Variants in CYTH3 observed in about 807,000 individuals in gnomAD.
The protein encoded by CYTH3 is cytohesin 3.
Under a neutral mutation model 55.1 loss-of-function variants are expected in CYTH3, and 23 were observed. The ratio of observed to expected loss-of-function variants is 0.42; its 90% CI spans 0.30 to 0.59. The LOEUF (loss-of-function observed/expected upper bound fraction) is 0.59. CYTH3 is among the 20% of genes least tolerant of loss of function. CYTH3 has a pLI of 0.20. For synonymous variants in CYTH3, 249 were observed against 194.9 expected, an observed-to-expected ratio of 1.28 and a Z score of -2.31; for missense variants, 413 against 524.8, an observed-to-expected ratio of 0.79 and a Z score of 2.08.
chr7:6,239,722 ATAAC>A (rs1779623891), intron 1 of CYTH3, among the ~76,000 whole-genome samples: 2 of 152,234 alleles, frequency 1.3e-5, no homozygotes, highest in Admixed American at 6.5e-5. Flanking sequence ...ATAAATTCAA[ATAAC>A]TAGTTAGACA....
chr7:6,194,266 A>G (rs973971035), intron 1 of CYTH3, among the ~76,000 whole-genome samples: 2 of 152,210 alleles, frequency 1.3e-5, no homozygotes, highest in African/African-American at 4.8e-5. Flanking sequence ...TGACTCTTTA[A>G]TACGTGTACA....
Position 6,164,206 on chromosome 7 carries a change from TCTGACAGC to T in CYTH3, c.*730_*737del, listed in dbSNP as rs1245335903. 1.3e-5 allele frequency: 2 copies of T among 152,348 alleles called. No individual in the cohort carries two copies. Among genetic ancestry groups the T allele is most frequent in the African/African-American group, 4.8e-5 (2 of 41,360 alleles). 9.4% of individuals were successfully genotyped at this position (152,348 alleles called of 1,614,324 possible). A position where few individuals can be genotyped will look rare whatever the true frequency, so the allele number is the denominator to read the frequency against. The stretch of plus-strand genomic sequence containing the variant: ...CCCACCTGCTGCCCCCCGGGGCTTG[TCTGACAGC>T]CTGACAGGGCAGGGCTGCACGCTGC... On this transcript the variant is annotated 3_prime_UTR_variant, in exon 13 of 13. Coordinates refer to ENST00000350796, the MANE Select transcript of CYTH3 (RefSeq NM_004227.4).
intron 1 of CYTH3, among the ~76,000 whole-genome samples, chr7:6,195,137 T>C (rs1562890681): frequency 6.6e-6 from 1 of 152,070 alleles, no homozygotes; most frequent in Non-Finnish European, 1.5e-5. Context: ...TGGTTATGCC[T>C]AAAAAAAGAG....
In CYTH3 at chr7:6,171,459, G is replaced by T; in HGVS notation, c.450-145C>A. The T allele has an allele frequency of 1.5e-6, 1 of 649,060 alleles. No individual in the cohort carries two copies. Among genetic ancestry groups the T allele is most frequent in the Non-Finnish European group, 2.7e-6 (1 of 370,990 alleles). The allele number at this position is 649,060 out of a possible 1,614,324, so 40.2% of individuals were successfully genotyped here. A position where few individuals can be genotyped will look rare whatever the true frequency, so the allele number is the denominator to read the frequency against. Reference sequence around the variant, plus strand: ...GCAGGGGCTTGGGGGCGCAGAGACAGAAAGGAGAAGACCCAGGACAGTCTC... The same window carrying T: ...GCAGGGGCTTGGGGGCGCAGAGACATAAAGGAGAAGACCCAGGACAGTCTC... On this transcript the variant is annotated intron_variant, in intron 6 of 12. Coordinates refer to ENST00000350796, the MANE Select transcript of CYTH3 (RefSeq NM_004227.4). The surrounding 1 kb of genome is among the most constrained non-coding windows in gnomAD (Gnocchi z 6.7).
At chr7:6,242,073 G>A (rs973968331) in intron 1 of CYTH3, among the ~76,000 whole-genome samples, 1 of 151,880 alleles carries the variant, frequency 6.6e-6, no homozygotes, top group African/African-American at 2.4e-5. Flanking sequence ...GGGCAGAGGG[G>A]TTTTTTCTTT....
chr7:6,213,469 C>T (rs905976018), intron 1 of CYTH3, among the ~76,000 whole-genome samples: 20 of 152,134 alleles, frequency 1.3e-4, no homozygotes, highest in African/African-American at 4.8e-4. Flanking sequence ...CTATCTACAA[C>T]AACGACGGCT....
At chr7:6,255,091 C>T (rs541870728) in intron 1 of CYTH3, among the ~76,000 whole-genome samples, 1 of 152,242 alleles carries the variant, frequency 6.6e-6, no homozygotes, top group Non-Finnish European at 1.5e-5. Flanking sequence ...TTACAATCGT[C>T]GAGATTTTTG....
chr7:6,254,334 T>A (rs1490282366), intron 1 of CYTH3, among the ~76,000 whole-genome samples: 1 of 152,248 alleles, frequency 6.6e-6, no homozygotes. Flanking sequence ...TGTGTACTAT[T>A]TTGGAACAAT....
intron 1 of CYTH3, among the ~76,000 whole-genome samples, chr7:6,226,894 C>T (rs1249398889): frequency 6.6e-6 from 1 of 152,088 alleles, no homozygotes; most frequent in Non-Finnish European, 1.5e-5. Context: ...TCCTGGCTAA[C>T]ACGGTGAAAC....
At chr7:6,251,929 A>G (rs1271054324) in intron 1 of CYTH3, among the ~76,000 whole-genome samples, 4 of 152,202 alleles carry the variant, frequency 2.6e-5, no homozygotes. Flanking sequence ...GAAAAAAGAA[A>G]AACAAAATGC....
At chr7:6,241,773 G>C (rs1419625398) in intron 1 of CYTH3, among the ~76,000 whole-genome samples, 1 of 152,096 alleles carries the variant, frequency 6.6e-6, no homozygotes. Context: ...AAGGCCTAGA[G>C]TACAGGAAAA....
At chr7:6,251,771 C>T (rs1354944480) in intron 1 of CYTH3, among the ~76,000 whole-genome samples, 6 of 152,102 alleles carry the variant, frequency 3.9e-5, no homozygotes, top group Non-Finnish European at 8.8e-5. Flanking sequence ...AGAGGCCTGT[C>T]CATAAAATCA....
chr7:6,187,397 G>A (rs560341443), intron 3 of CYTH3, among the ~76,000 whole-genome samples: 139 of 152,296 alleles, frequency 9.1e-4, no homozygotes, highest in Non-Finnish European at 1.6e-3. Flanking sequence ...ATTTCTGTGC[G>A]GGTCAACCCT....
Position 6,173,659 on chromosome 7 carries a change from G to T in CYTH3, c.443C>A (p.Ala148Asp). Reference sequence around the variant, plus strand: ...AGCAAATGATCATACTTACCTTAAGGCTTGTACAAGGTTGAGATCAGCAAA... The same window carrying T: ...AGCAAATGATCATACTTACCTTAAGTCTTGTACAAGGTTGAGATCAGCAAA... The part of the protein sequence containing the change: ...HEFADLNLVQ[A>D]LRQFLWSFRL... The change falls in exon 6 of 13, where the codon GCC becomes GAC. Residue 148 changes from alanine (A) to aspartate (D), a missense_variant. Transcript: ENST00000350796. 6.2e-7 allele frequency: 1 copy of T among 1,605,198 alleles called. No individual in the cohort carries two copies. The highest frequency in any genetic ancestry group is 8.5e-7 in the Non-Finnish European group (1 of 1,172,006).
intron 1 of CYTH3, among the ~76,000 whole-genome samples, chr7:6,219,608 C>T (rs71531365): frequency 0.014 from 2,128 of 152,254 alleles, 20 homozygotes; most frequent in Non-Finnish European, 0.02. Flanking sequence ...ACCCTCTCAG[C>T]AAAAGCCAGG....
chr7:6,189,348 G>A (rs1258282911), intron 2 of CYTH3, among the ~76,000 whole-genome samples: 2 of 151,422 alleles, frequency 1.3e-5, no homozygotes, highest in African/African-American at 4.9e-5. Flanking sequence ...TTGCTCTGTT[G>A]CCCAGTCCGC....
intron 1 of CYTH3, among the ~76,000 whole-genome samples, chr7:6,262,754 C>G (rs895487335): frequency 1.4e-4 from 22 of 152,128 alleles, no homozygotes; most frequent in Non-Finnish European, 2.9e-4. Context: ...ATGAAACTAT[C>G]CTTCAAAAAC....
chr7:6,198,457 T>C (rs1011846746), intron 1 of CYTH3, among the ~76,000 whole-genome samples: 19 of 152,226 alleles, frequency 1.2e-4, no homozygotes, highest in African/African-American at 2.4e-5. Context: ...TTCACACATG[T>C]GACCGCCATA....
chr7:6,209,334 T>C (rs1784271215), intron 1 of CYTH3, among the ~76,000 whole-genome samples: 1 of 152,216 alleles, frequency 6.6e-6, no homozygotes, highest in Non-Finnish European at 1.5e-5. Context: ...TTGTAAGATC[T>C]TGAACGATGA....
Sources: gnomAD v4.1 joint callset for allele counts (sites outside exome capture counted in the v4.1 genomes callset) on GRCh38, gnomAD v4.1.1 for gene constraint, Gnocchi (gnomAD v3.1) non-coding constraint, MANE v1.5 for transcripts, NCBI Gene and HGNC (gene_info 2026-07-23, HGNC 2026-07-21) for gene names.